The following RSPH14 variants were observed in gnomAD, a reference collection of about 807,000 sequenced individuals.
RSPH14 encodes radial spoke head 14 homolog.
In RSPH14, 20 loss-of-function variants were observed where a neutral mutation model predicts 26.7. That is an observed-to-expected ratio of 0.75 (90% CI 0.53 to 1.09). RSPH14 has a LOEUF of 1.09. Among genes scored for constraint, RSPH14 ranks in the 50% least tolerant of loss-of-function variants. The pLI is 0.00. For synonymous variants in RSPH14, 177 were observed against 189.3 expected (o/e 0.93, Z 0.53); for missense variants, 449 against 457.2 (o/e 0.98, Z 0.16).
the RSPH14 span, among the ~76,000 whole-genome samples, chr22:23,158,336 A>C: frequency 1.3e-3 from 193 of 152,346 alleles, 3 homozygotes; most frequent in African/African-American, 4.4e-3. Flanking sequence ...CCATGTTGCA[A>C]GTCCGGATAC....
chr22:23,173,166 G>T, the RSPH14 span, among the ~76,000 whole-genome samples: 1 of 151,302 alleles, frequency 6.6e-6, no homozygotes, highest in Admixed American at 6.6e-5. Context: ...ACGGAGTCTC[G>T]CTCTGTCACC....
chr22:23,062,600 AC>A (rs1343151347), intron 5 of RSPH14, among the ~76,000 whole-genome samples: 1 of 152,104 alleles, frequency 6.6e-6, no homozygotes, highest in Non-Finnish European at 1.5e-5. Context: ...CCACCAAAGA[AC>A]CCTCATTTTT....
the RSPH14 span, among the ~76,000 whole-genome samples, chr22:23,172,621 T>C: frequency 1.5e-5 from 2 of 135,744 alleles, no homozygotes; most frequent in African/African-American, 5.7e-5. Context: ...GGAAATGGTA[T>C]GAACCCAGGA....
intron 4 of RSPH14, among the ~76,000 whole-genome samples, chr22:23,120,110 GC>G (rs2146393554): frequency 6.6e-6 from 1 of 152,296 alleles, no homozygotes; most frequent in Non-Finnish European, 1.5e-5. Context: ...GAGGCACCGT[GC>G]CCACCTCCAG....
chr22:23,089,125 A>G (rs886790692), intron 4 of RSPH14, among the ~76,000 whole-genome samples: 8 of 151,970 alleles, frequency 5.3e-5, no homozygotes, highest in African/African-American at 1.7e-4. Flanking sequence ...GGACCTGGAG[A>G]GTGAGGGGCT....
chr22:23,086,988 G>A (rs936070529), intron 4 of RSPH14, among the ~76,000 whole-genome samples: 3 of 152,250 alleles, frequency 2.0e-5, no homozygotes, highest in African/African-American at 7.2e-5. Context: ...AAGCACATGC[G>A]GCTCCGATAA....
At chr22:23,162,819 C>T in the RSPH14 span, 7 of 443,418 alleles carry the variant, frequency 1.6e-5, no homozygotes, top group Non-Finnish European at 2.8e-5. Flanking sequence ...ATGTTCAGCT[C>T]AGCGATTGCC....
chr22:23,144,688 T>TA (rs1200830495), upstream of RSPH14, among the ~76,000 whole-genome samples: 3 of 147,732 alleles, frequency 2.0e-5, no homozygotes, highest in African/African-American at 7.7e-5. Context: ...CTCCATCTCT[T>TA]TAAAAAAAAA....
Position 23,071,687 on chromosome 22 carries a change from A to T in RSPH14, c.422-7554T>A, listed in dbSNP as rs1013793309. ...AGGGGAAAACGTCTCTACTCGACCA[A>T]CCCCGCTTGAGTGCAGGTGCAGGGG... On this transcript the variant is annotated intron_variant, in intron 4 of 6. Coordinates refer to ENST00000216036, the MANE Select transcript of RSPH14 (RefSeq NM_014433.3). The surrounding 1 kb of genome is among the most constrained non-coding windows in gnomAD (Gnocchi z 4.1). Among the ~76,000 whole-genome samples, 3 of 152,004 alleles carry T rather than the reference A, an allele frequency of 2.0e-5. No homozygotes were observed. Among genetic ancestry groups the T allele is most frequent in the Non-Finnish European group, 2.9e-5 (2 of 67,996 alleles).
chr22:23,083,847 A>G (rs568543693), intron 4 of RSPH14, among the ~76,000 whole-genome samples: 1 of 152,340 alleles, frequency 6.6e-6, no homozygotes, highest in Admixed American at 6.5e-5. Flanking sequence ...GCAGGCCCAG[A>G]CTGAGTCCAC....
chr22:23,136,232 G>T (rs542463653), intron 3 of RSPH14: 1 of 711,962 alleles, frequency 1.4e-6, no homozygotes, highest in African/African-American at 1.7e-5. Flanking sequence ...AAGCTCTCTT[G>T]TCCGTGGGAT....
chr22:23,166,530 A>C, the RSPH14 span, among the ~76,000 whole-genome samples: 1 of 152,002 alleles, frequency 6.6e-6, no homozygotes, highest in Non-Finnish European at 1.5e-5. Flanking sequence ...TTCCTCAAGA[A>C]AGCCTGCTTT....
rs76641302 is a variant in RSPH14 at position 23,069,921 on chromosome 22, G to C, written c.422-5788C>G. Among the ~76,000 whole-genome samples, 672 of 152,290 alleles carry C rather than the reference G, an allele frequency of 4.4e-3. 5 individuals carry two copies. The highest frequency in any genetic ancestry group is 0.015 in the African/African-American group (640 of 41,570). ...GCCCAAGGACGTAGAGCTCACAAGA[G>C]GCCGAACTGGGTTTGAACCCGAGTG... On this transcript the variant is annotated intron_variant, in intron 4 of 6. Transcript: ENST00000216036.
chr22:23,080,578 G>A (rs7287068), intron 4 of RSPH14, among the ~76,000 whole-genome samples: 6,708 of 152,302 alleles, frequency 0.044, 523 homozygotes, highest in African/African-American at 0.15. Flanking sequence ...GACCCGTTGC[G>A]GATCTGCAGG....
intron 4 of RSPH14, among the ~76,000 whole-genome samples, chr22:23,083,848 C>G (rs2068742184): frequency 6.6e-6 from 1 of 152,232 alleles, no homozygotes; most frequent in Non-Finnish European, 1.5e-5. Context: ...CAGGCCCAGA[C>G]TGAGTCCACT....
chr22:23,068,786 C>T (rs1028363446), intron 4 of RSPH14, among the ~76,000 whole-genome samples: 1 of 152,232 alleles, frequency 6.6e-6, no homozygotes, highest in South Asian at 2.1e-4. Context: ...GTTACATTCC[C>T]TTTTGACAGA....
chr22:23,107,195 G>A (rs926425995), intron 4 of RSPH14, among the ~76,000 whole-genome samples: 1 of 152,166 alleles, frequency 6.6e-6, no homozygotes, highest in East Asian at 1.9e-4. Flanking sequence ...ATAGTTGCAG[G>A]GGGGAGGGGG....
intron 4 of RSPH14, among the ~76,000 whole-genome samples, chr22:23,113,910 T>G (rs193245391): frequency 4.1e-4 from 62 of 152,344 alleles, no homozygotes; most frequent in African/African-American, 1.5e-3. Context: ...GGCATGTTGG[T>G]CACTGTGTCA....
intron 4 of RSPH14, among the ~76,000 whole-genome samples, chr22:23,084,742 A>G (rs150142977): frequency 0.014 from 2,165 of 152,274 alleles, 22 homozygotes; most frequent in Non-Finnish European, 0.023. Flanking sequence ...GGGGAGCTGG[A>G]CAGAGAGCCA....
Sources: allele counts gnomAD v4.1 joint callset (sites outside exome capture counted in the v4.1 genomes callset), GRCh38; gene constraint gnomAD v4.1.1; non-coding constraint Gnocchi (gnomAD v3.1); transcripts MANE v1.5; gene names NCBI Gene and HGNC (gene_info 2026-07-23, HGNC 2026-07-21).